GLIS3: variants seen among roughly 807,000 people sequenced by gnomAD.
GLIS3 encodes GLIS family zinc finger 3, also known as zinc finger protein GLIS3.
GLIS3 carries 53 observed loss-of-function variants against 78.6 expected under a neutral mutation model. The observed-to-expected ratio is 0.67, with a 90% confidence interval of 0.54 to 0.85. The LOEUF (loss-of-function observed/expected upper bound fraction) is 0.85, where lower values mean the gene tolerates loss of function less well. GLIS3 is among the 40% of genes least tolerant of loss of function. The probability of loss-of-function intolerance (pLI) is 0.00; values close to 1 mark genes in which losing one functional copy is unlikely to be tolerated. For missense variants in GLIS3, 1,703 were observed against 1,231.1 expected, an observed-to-expected ratio of 1.38 and a Z score of -5.74; for synonymous variants, 684 against 509.9, an observed-to-expected ratio of 1.34 and a Z score of -4.60.
intron 2 of GLIS3, among the ~76,000 whole-genome samples, chr9:4,216,218 A>C (rs1820816619): frequency 1.3e-5 from 2 of 152,090 alleles, no homozygotes; most frequent in Admixed American, 6.5e-5. Flanking sequence ...CACACCTGTA[A>C]TCCCAGCACT....
chr9:4,271,236 T>C (rs922166895), intron 2 of GLIS3, among the ~76,000 whole-genome samples: 2 of 152,210 alleles, frequency 1.3e-5, no homozygotes, highest in African/African-American at 4.8e-5. Flanking sequence ...CTGGCTTACT[T>C]TATTGTCAGC....
intron 7 of GLIS3, among the ~76,000 whole-genome samples, chr9:3,886,926 CCTT>C (rs572358490): frequency 2.6e-5 from 4 of 152,206 alleles, no homozygotes; most frequent in Non-Finnish European, 5.9e-5. Flanking sequence ...TTTCTTTTTT[CCTT>C]CTTCTTAATG....
intron 4 of GLIS3, among the ~76,000 whole-genome samples, chr9:4,032,051 CAGG>C (rs1823884293): frequency 6.6e-6 from 1 of 152,074 alleles, no homozygotes; most frequent in African/African-American, 2.4e-5. Context: ...GTACAGGGAT[CAGG>C]AGGTCAGACA....
chr9:4,097,443 C>T (rs1372155894), intron 4 of GLIS3, among the ~76,000 whole-genome samples: 1 of 152,040 alleles, frequency 6.6e-6, no homozygotes, highest in Non-Finnish European at 1.5e-5. Flanking sequence ...TGATGGTCTT[C>T]TCACTCTATC....
At chr9:4,215,896 C>CTATAT (rs1820782591) in intron 2 of GLIS3, among the ~76,000 whole-genome samples, 1 of 152,026 alleles carries the variant, frequency 6.6e-6, no homozygotes, top group African/African-American at 2.4e-5. Context: ...ATGGTTCAAG[C>CTATAT]AATATAGGGA....
intron 4 of GLIS3, among the ~76,000 whole-genome samples, chr9:4,115,777 C>A (rs548030187): frequency 3.3e-5 from 5 of 152,010 alleles, no homozygotes; most frequent in African/African-American, 1.2e-4. Flanking sequence ...TCCTAAGAAA[C>A]CCTGTTTATT....
chr9:4,351,800 A>G (rs1180400399), upstream of GLIS3, among the ~76,000 whole-genome samples: 1 of 152,170 alleles, frequency 6.6e-6, no homozygotes, highest in Non-Finnish European at 1.5e-5. Context: ...ATCCAATTTT[A>G]TCTTTAAGCT....
intron 2 of GLIS3, among the ~76,000 whole-genome samples, chr9:4,251,461 G>T: frequency 6.9e-6 from 1 of 145,096 alleles, no homozygotes; most frequent in Admixed American, 6.9e-5. Context: ...CCATTTGCTT[G>T]GTAAATATTC....
intron 2 of GLIS3, among the ~76,000 whole-genome samples, chr9:4,339,452 G>T (rs1036879268): frequency 6.6e-6 from 1 of 151,904 alleles, no homozygotes; most frequent in African/African-American, 2.4e-5. Flanking sequence ...CATTTATATA[G>T]ACGTTCAAAC....
intron 4 of GLIS3, among the ~76,000 whole-genome samples, chr9:3,962,946 AGGG>A (rs35272998): frequency 1.8e-4 from 21 of 118,876 alleles, no homozygotes; most frequent in African/African-American, 6.0e-4. Flanking sequence ...CTGTGATTTA[AGGG>A]GGGGGGGGGG....
intron 4 of GLIS3, chr9:4,071,284 A>T (rs1827583837): frequency 6.6e-6 from 1 of 152,164 alleles, no homozygotes; most frequent in African/African-American, 2.4e-5. Context: ...GAAATAACTC[A>T]TAAGTAGATG....
chr9:3,940,295 A>T (rs1055098175), intron 4 of GLIS3, among the ~76,000 whole-genome samples: 8 of 152,042 alleles, frequency 5.3e-5, no homozygotes, highest in Admixed American at 2.6e-4. Flanking sequence ...ACGTTTTCCA[A>T]TTCTTTAATG....
At chr9:3,984,457 T>C (rs1034417215) in intron 4 of GLIS3, among the ~76,000 whole-genome samples, 3 of 152,236 alleles carry the variant, frequency 2.0e-5, no homozygotes, top group Admixed American at 1.3e-4. Context: ...ATGGGCCCTG[T>C]AGCCCCTTTG....
chr9:4,091,911 A>G (rs181639480), intron 4 of GLIS3, among the ~76,000 whole-genome samples: 2 of 152,320 alleles, frequency 1.3e-5, no homozygotes, highest in African/African-American at 4.8e-5. Context: ...GAAAAGGTAC[A>G]GTAAAAATAC....
At chr9:4,010,440 T>C (rs1425088910) in intron 4 of GLIS3, among the ~76,000 whole-genome samples, 4 of 152,174 alleles carry the variant, frequency 2.6e-5, no homozygotes, top group Non-Finnish European at 4.4e-5. Context: ...AGCCCAGGAA[T>C]ACTCCATATC....
At chr9:4,176,955 G>A (rs1816862137) in intron 2 of GLIS3, among the ~76,000 whole-genome samples, 1 of 152,110 alleles carries the variant, frequency 6.6e-6, no homozygotes, top group South Asian at 2.1e-4. Flanking sequence ...GTTTTTTCAG[G>A]ACCAATTTGT....
At chr9:4,330,524 T>C (rs181662935) in intron 2 of GLIS3, among the ~76,000 whole-genome samples, 96 of 151,472 alleles carry the variant, frequency 6.3e-4, no homozygotes, top group Admixed American at 2.8e-3. Context: ...TCCACTTAGG[T>C]GGAGGGAGAT....
At chr9:3,941,520 C>T (rs1345172370) in intron 4 of GLIS3, among the ~76,000 whole-genome samples, 6 of 152,122 alleles carry the variant, frequency 3.9e-5, no homozygotes, top group African/African-American at 1.4e-4. Context: ...CAGGTGTGCC[C>T]ACAAGTTCCC....
Position 3,965,188 on chromosome 9 carries a change from C to CTTTTTTTTTTTTTTTTTTTTTTT in GLIS3, c.1711-28000_1711-27999insAAAAAAAAAAAAAAAAAAAAAAA, listed in dbSNP as rs750454441. Among the ~76,000 whole-genome samples, 36 of 98,998 alleles carry CTTTTTTTTTTTTTTTTTTTTTTT rather than the reference C, an allele frequency of 3.6e-4. 4 individuals carry two copies. Among genetic ancestry groups the CTTTTTTTTTTTTTTTTTTTTTTT allele is most frequent in the South Asian group, 5.6e-4 (2 of 3,550 alleles). 64.9% of individuals were successfully genotyped at this position (98,998 alleles called of 152,430 possible). ...TACTTCTTTTCTATTTCTTTCTTTT[C>CTTTTTTTTTTTTTTTTTTTTTTT]TTTTCTTTTTTTTTTTTTTTTTTTG... is the stretch of plus-strand genomic sequence containing the variant. On this transcript the variant is annotated intron_variant, in intron 4 of 10. Transcript: ENST00000381971.
Sources: gnomAD v4.1 joint callset for allele counts (sites outside exome capture counted in the v4.1 genomes callset) on GRCh38, gnomAD v4.1.1 for gene constraint, MANE v1.5 for transcripts, NCBI Gene and HGNC (gene_info 2026-07-23, HGNC 2026-07-21) for gene names.